The following WDR1 variants were observed in gnomAD, a reference collection of about 807,000 sequenced individuals.
WDR1 encodes the protein WD repeat-containing protein 1.
In WDR1, 21 loss-of-function variants were observed where a neutral mutation model predicts 71.9. The ratio of observed to expected loss-of-function variants is 0.29; its 90% confidence interval spans 0.21 to 0.42. WDR1 has a LOEUF of 0.42. WDR1 is among the 10% of genes least tolerant of loss of function. WDR1 has a pLI of 1.00. For synonymous variants in WDR1, 424 were observed against 347.4 expected (o/e 1.22, Z -2.45); for missense variants, 696 against 824.5 (o/e 0.84, Z 1.91).
Position 10,116,786 on chromosome 4 carries a change from G to A in WDR1, c.-120C>T. ...GGAGCCGGAAGGCGGCACCGGGCGT[G>A]CCGGGAGTGGAGTGGGCGGTCCGAG... is the stretch of plus-strand genomic sequence containing the variant. On this transcript the variant is annotated 5_prime_UTR_variant, in exon 1 of 15. Transcript: ENST00000499869. The A allele has an allele frequency of 8.5e-7, 1 of 1,173,312 alleles. No homozygotes were observed. The highest frequency in any genetic ancestry group is 1.1e-6 in the Non-Finnish European group (1 of 933,838). The allele number at this position is 1,173,312 out of a possible 1,614,324, so 72.7% of individuals were successfully genotyped here. A position where few individuals can be genotyped will look rare whatever the true frequency, so the allele number is the denominator to read the frequency against.
chr4:10,108,919 C>T (rs1038318677), intron 2 of WDR1, among the ~76,000 whole-genome samples: 1 of 152,224 alleles, frequency 6.6e-6, no homozygotes, highest in Non-Finnish European at 1.5e-5. Flanking sequence ...ATCATTTGTG[C>T]CCCACCTGCC....
chr4:10,103,884 C>T lies in WDR1; in HGVS notation c.229+12G>A. The T allele has an allele frequency of 6.4e-7, 1 of 1,571,664 alleles. No individual in the cohort carries two copies. Among genetic ancestry groups the T allele is most frequent in the Non-Finnish European group, 8.6e-7 (1 of 1,159,122 alleles). On this transcript the variant is annotated intron_variant, in intron 3 of 14. Transcript: ENST00000499869. The stretch of plus-strand genomic sequence containing the variant: ...CCCACAGGTGTCCACGAGCCTTGCC[C>T]CCATACAGTACCTCCGGAGGCAATG...
At chr4:10,097,029 G>C (rs1393885293) in intron 5 of WDR1, among the ~76,000 whole-genome samples, 2 of 152,220 alleles carry the variant, frequency 1.3e-5, no homozygotes, top group African/African-American at 2.4e-5. Context: ...AGATGCTCCA[G>C]ACCTGCCAGG....
At chr4:10,107,508 C>G (rs1040992983) in intron 2 of WDR1, among the ~76,000 whole-genome samples, 3 of 152,218 alleles carry the variant, frequency 2.0e-5, no homozygotes, top group South Asian at 4.1e-4. Flanking sequence ...CGTCGCTACC[C>G]TGCTGCCGCC....
intron 2 of WDR1, chr4:10,106,511 T>G (rs1469673859): frequency 6.6e-6 from 1 of 152,274 alleles, no homozygotes; most frequent in East Asian, 1.9e-4. Flanking sequence ...TCGTGGGCTC[T>G]CCCAGCCTGG....
chr4:10,079,310 C>T (rs1476129432), intron 11 of WDR1, among the ~76,000 whole-genome samples: 2 of 152,252 alleles, frequency 1.3e-5, no homozygotes, highest in Non-Finnish European at 2.9e-5. Context: ...CGATGGGAAT[C>T]AACGTTCAGG....
Position 10,081,370 on chromosome 4 carries a change from A to C in WDR1, c.1271T>G (p.Val424Gly). The change falls in exon 11 of 15, where the codon GTG (valine) becomes GGG (glycine). Residue 424 changes from valine (V) to glycine (G), a missense_variant. Coordinates refer to ENST00000499869, the MANE Select transcript of WDR1 (RefSeq NM_017491.5). ...CCAGGTCCCTACCTGTCCAATGCACACGACCACGGCGTATCCCCCGGGGCC... is the reference window on the plus strand; with the variant it reads ...CCAGGTCCCTACCTGTCCAATGCACCCGACCACGGCGTATCCCCCGGGGCC... Reference protein sequence around the residue: ...AVGPGGYAVVVCIGQIVLLKD... With the variant: ...AVGPGGYAVVGCIGQIVLLKD... The C allele has an allele frequency of 1.2e-6, 2 of 1,613,836 alleles. No individual in the cohort carries two copies. Among genetic ancestry groups the C allele is most frequent in the Non-Finnish European group, 1.7e-6 (2 of 1,179,838 alleles).
rs992645841 is a variant in WDR1, at chr4:10,075,736, CT to C, written c.1715-253del. 5.4e-6 allele frequency: 3 copies of C among 559,868 alleles called. No individual in the cohort carries two copies. In the African/African-American group the frequency reaches 5.6e-5, roughly 11 times the overall value. The allele number at this position is 559,868 out of a possible 1,614,324, so 34.7% of individuals were successfully genotyped here. A position where few individuals can be genotyped will look rare whatever the true frequency, so the allele number is the denominator to read the frequency against. On this transcript the variant is annotated intron_variant, in intron 14 of 14. Transcript: ENST00000499869. Reference sequence around the variant, plus strand: ...TAATTAGCAGCATCCCTGGCTCCACCTACAGATGCCAGTGGCTCCCTCTCTC... The same window carrying C: ...TAATTAGCAGCATCCCTGGCTCCACCACAGATGCCAGTGGCTCCCTCTCTC...
At chr4:10,097,263 T>C (rs957474090) in intron 5 of WDR1, among the ~76,000 whole-genome samples, 15 of 152,262 alleles carry the variant, frequency 9.9e-5, no homozygotes, top group South Asian at 6.2e-4. Context: ...TTCTAACCGT[T>C]TGTCACTTTG....
intron 4 of WDR1, 43 bp from the exon 5 acceptor site, chr4:10,097,934 AAATC>A: frequency 2.7e-6 from 4 of 1,490,166 alleles, no homozygotes; most frequent in Non-Finnish European, 2.7e-6. Flanking sequence ...AAAAAAAAAA[AAATC>A]AATCCCAGAA....
intron 7 of WDR1, 83 bp from the exon 8 acceptor site, chr4:10,088,023 C>T: frequency 7.5e-7 from 1 of 1,326,204 alleles, no homozygotes. Context: ...TCCACTGCGA[C>T]TGTTTGAGTA....
At chr4:10,099,678 G>C (rs754588522) in intron 3 of WDR1, among the ~76,000 whole-genome samples, 12 of 152,210 alleles carry the variant, frequency 7.9e-5, no homozygotes, top group Non-Finnish European at 1.6e-4. Context: ...GCCTCAGCGT[G>C]GCCTGGCGGC....
intron 4 of WDR1, 123 bp downstream of exon 4, chr4:10,098,869 G>T: frequency 7.1e-7 from 1 of 1,416,122 alleles, no homozygotes; most frequent in South Asian, 1.3e-5. Context: ...GCACCTACTG[G>T]GAGCTCAACC....
intron 11 of WDR1, among the ~76,000 whole-genome samples, chr4:10,079,236 G>A (rs1464492041): frequency 6.6e-6 from 1 of 152,224 alleles, no homozygotes; most frequent in Non-Finnish European, 1.5e-5. Context: ...GACCATTACT[G>A]TCATCACTAC....
At chr4:10,085,338 G>T (rs1765169961) in intron 8 of WDR1, among the ~76,000 whole-genome samples, 1 of 152,228 alleles carries the variant, frequency 6.6e-6, no homozygotes, top group South Asian at 2.1e-4. Flanking sequence ...TTGGATGCAG[G>T]TCTCCTTGGA....
At chr4:10,098,237 G>A (rs1336943505) in intron 4 of WDR1, among the ~76,000 whole-genome samples, 2 of 152,196 alleles carry the variant, frequency 1.3e-5, no homozygotes, top group Admixed American at 1.3e-4. Flanking sequence ...ATCCCCTACA[G>A]GAATGAGATG....
intron 14 of WDR1, chr4:10,076,468 G>A (rs1296344327): frequency 6.6e-6 from 1 of 152,292 alleles, no homozygotes; most frequent in African/African-American, 2.4e-5. Flanking sequence ...ACTAGCTCTT[G>A]CTGTATTTTT....
chr4:10,093,091 C>T, intron 5 of WDR1: 1 of 1,289,494 alleles, frequency 7.8e-7, no homozygotes, highest in Non-Finnish European at 1.0e-6. Context: ...TTAAGTACCA[C>T]ACCCATGTCA....
Position 10,103,920 on chromosome 4 carries a change from T to C in WDR1, c.205A>G (p.Ser69Gly), listed in dbSNP as rs1255578645. The C allele has an allele frequency of 6.3e-7, 1 of 1,597,446 alleles. No homozygotes were observed. Among genetic ancestry groups the C allele is most frequent in the Admixed American group, 1.7e-5 (1 of 57,812 alleles). Residue 69 changes from serine (S) to glycine (G), a missense_variant, in exon 3 of 15, where the codon AGC becomes GGC. Coordinates refer to ENST00000499869, the MANE Select transcript of WDR1 (RefSeq NM_017491.5). ...HQVVVAKYAP[S>G]GFYIASGDVS... ...CCTCCGGAGGCAATGTAGAATCCGC[T>C]GGGCGCATACTTGGCCACCACCACC...
Sources: allele counts gnomAD v4.1 joint callset (sites outside exome capture counted in the v4.1 genomes callset), GRCh38; gene constraint gnomAD v4.1.1; transcripts MANE v1.5; gene names NCBI Gene and HGNC (gene_info 2026-07-23, HGNC 2026-07-21).